CC2D2B: variants seen among roughly 807,000 people sequenced by gnomAD.
CC2D2B encodes the protein coiled-coil and C2 domain containing 2B, also known as protein CC2D2B.
In CC2D2B, 128 loss-of-function variants were observed where a neutral mutation model predicts 161.2. The ratio of observed to expected loss-of-function variants is 0.79; its 90% CI spans 0.69 to 0.92. The LOEUF (loss-of-function observed/expected upper bound fraction) is 0.92, where lower values mean the gene tolerates loss of function less well. Ranked by LOEUF, CC2D2B falls within the 40% of genes least tolerant of loss-of-function variation. The pLI, the probability that CC2D2B is intolerant of heterozygous loss-of-function variation, is 0.00. For synonymous variants in CC2D2B, 391 were observed against 449.8 expected, an observed-to-expected ratio of 0.87 and a Z score of 1.65; for missense variants, 1,173 against 1,375.1, an observed-to-expected ratio of 0.85 and a Z score of 2.32.
chr10:96,011,732 TACAC>T (rs933697863), intron 26 of CC2D2B, among the ~76,000 whole-genome samples: 6 of 138,710 alleles, frequency 4.3e-5, no homozygotes, highest in Admixed American at 2.2e-4. Flanking sequence ...ATTTACCTCT[TACAC>T]ACACGCACAC....
Position 95,965,975 on chromosome 10 carries a change from C to G in CC2D2B, c.1330C>G (p.Leu444Val). Reference sequence around the variant, plus strand: ...TGAGAAGAAAAATGAAGGAAAAGAACTTAAGAATGGGAAAAAACTGGAGGT... The same window carrying G: ...TGAGAAGAAAAATGAAGGAAAAGAAGTTAAGAATGGGAAAAAACTGGAGGT... ...ETEKKNEGKE[L>V]KNGKKLESLS... The change falls in exon 13 of 35, where the codon CTT becomes GTT. Residue 444 changes from leucine to valine, a missense_variant. Transcript: ENST00000646931. 1 of 1,209,234 alleles carries G rather than the reference C, an allele frequency of 8.3e-7. No homozygotes were observed. Among genetic ancestry groups the G allele is most frequent in the South Asian group, 4.2e-5 (1 of 23,866 alleles). 74.9% of individuals were successfully genotyped at this position (1,209,234 alleles called of 1,614,324 possible).
At chr10:95,911,125 A>G in intron 1 of CC2D2B, 176 bp from the exon 2 acceptor site, 1 of 178,928 alleles carries the variant, frequency 5.6e-6, no homozygotes. Flanking sequence ...ATTAACCGGG[A>G]TTTCTATTAA....
At chr10:96,014,321 C>T (rs549552091) in intron 29 of CC2D2B, among the ~76,000 whole-genome samples, 10 of 152,256 alleles carry the variant, frequency 6.6e-5, no homozygotes, top group South Asian at 2.1e-4. Flanking sequence ...AAAATACAGG[C>T]CCCATGCAAT....
chr10:95,919,721 TCAGTGAAGCAGGTTCCTTC>T (rs1169287102), intron 2 of CC2D2B: 1 of 152,088 alleles, frequency 6.6e-6, no homozygotes, highest in African/African-American at 2.4e-5. Context: ...GGCTTCCCCT[TCAGTGAAGCAGGTTCCTTC>T]CAGTGAAGCA....
intron 26 of CC2D2B, among the ~76,000 whole-genome samples, chr10:96,010,744 A>T (rs968428339): frequency 1.3e-5 from 2 of 152,166 alleles, no homozygotes; most frequent in Admixed American, 6.6e-5. Context: ...TTTTGAATTA[A>T]GTCCTTAAAG....
Position 96,019,292 on chromosome 10 carries a change from G to C in CC2D2B, c.3720G>C (p.Pro1240=). 1 of 1,611,916 alleles carries C rather than the reference G, an allele frequency of 6.2e-7. No homozygotes were observed. Among genetic ancestry groups the C allele is most frequent in the Non-Finnish European group, 8.5e-7 (1 of 1,179,412 alleles). Residue 1240 remains proline (P), a synonymous_variant, in exon 31 of 35, where the codon CCG becomes CCC. Transcript: ENST00000646931. ...STGQCYKQFD[P]FCPLKSVDCL... ...GCCAATGTTATAAGCAGTTTGACCC[G>C]TTTTGTCCCTTAAAAAGTGTAGATT...
intron 34 of CC2D2B, among the ~76,000 whole-genome samples, chr10:96,028,081 A>G (rs2079861752): frequency 6.6e-6 from 1 of 152,188 alleles, no homozygotes; most frequent in Non-Finnish European, 1.5e-5. Flanking sequence ...CTGAGCAAAA[A>G]TTTCTTGAGT....
At chr10:95,949,672 A>AATT (rs2076337375) in intron 9 of CC2D2B, among the ~76,000 whole-genome samples, 2 of 34,804 alleles carry the variant, frequency 5.7e-5, no homozygotes, top group African/African-American at 2.3e-4. Flanking sequence ...AAAAAAATTA[A>AATT]AAAAAAAAAT....
rs552653076 is a variant in CC2D2B at position 95,981,095 on chromosome 10, T to G, written c.1944-880T>G. On this transcript the variant is annotated intron_variant, in intron 17 of 34. Transcript: ENST00000646931. ...AGCCTATCTTTTACAGCTTTCCAAC[T>G]TTTAAGATTATCTCATGGCAGGGCA... Among the ~76,000 whole-genome samples, 6 of 152,212 alleles carry G rather than the reference T, an allele frequency of 3.9e-5. No individual in the cohort carries two copies. In the South Asian group the frequency reaches 1.2e-3, roughly 32 times the overall value.
chr10:95,966,313 T>TTATATAATAAA lies in CC2D2B; in HGVS notation c.1466+13_1466+14insTATAATAAATA. The TTATATAATAAA allele has an allele frequency of 1.1e-6, 1 of 933,758 alleles. No homozygotes were observed. The highest frequency in any genetic ancestry group is 1.4e-6 in the Non-Finnish European group (1 of 716,180). 57.8% of individuals were successfully genotyped at this position (933,758 alleles called of 1,614,324 possible). A position where few individuals can be genotyped will look rare whatever the true frequency, so the allele number is the denominator to read the frequency against. On this transcript the variant is annotated intron_variant, in intron 14 of 34. Transcript: ENST00000646931. ...ATCCAAGTGTTCCTTGTAAGCATGT[T>TTATATAATAAA]TAAATAATTATTTATTTATTATATA...
In CC2D2B at chr10:96,032,565, G is replaced by A; in HGVS notation, c.*557G>A. Reference sequence around the variant, plus strand: ...CTAAGGCTGGTACGTTTGATGCTGGGTCTGATACAATTTCAGATGGAAGCT... The same window carrying A: ...CTAAGGCTGGTACGTTTGATGCTGGATCTGATACAATTTCAGATGGAAGCT... On this transcript the variant is annotated 3_prime_UTR_variant, in exon 35 of 35. Coordinates refer to ENST00000646931, the MANE Select transcript of CC2D2B (RefSeq NM_001349008.3). 1 of 317,806 alleles carries A rather than the reference G, an allele frequency of 3.1e-6. No homozygotes were observed. Among genetic ancestry groups the A allele is most frequent in the Non-Finnish European group, 6.3e-6 (1 of 159,002 alleles). The allele number at this position is 317,806 out of a possible 1,614,324, so 19.7% of individuals were successfully genotyped here. A position where few individuals can be genotyped will look rare whatever the true frequency, so the allele number is the denominator to read the frequency against.
At chr10:95,984,256 G>T (rs559084032) in intron 19 of CC2D2B, among the ~76,000 whole-genome samples, 1 of 152,284 alleles carries the variant, frequency 6.6e-6, no homozygotes, top group East Asian at 1.9e-4. Flanking sequence ...ACTAGCTGGT[G>T]CCAGCCAGGT....
intron 32 of CC2D2B, among the ~76,000 whole-genome samples, chr10:96,024,022 T>C (rs939126772): frequency 6.6e-6 from 1 of 152,182 alleles, no homozygotes; most frequent in African/African-American, 2.4e-5. Context: ...TGCCTCTTCC[T>C]CAGCTCAGGA....
intron 6 of CC2D2B, among the ~76,000 whole-genome samples, chr10:95,935,168 G>A (rs954327386): frequency 6.6e-6 from 1 of 152,190 alleles, no homozygotes; most frequent in Non-Finnish European, 1.5e-5. Context: ...ACCACATCTG[G>A]CCACACAGTT....
At chr10:95,999,026 A>G (rs1046413836) in intron 24 of CC2D2B, among the ~76,000 whole-genome samples, 4 of 152,168 alleles carry the variant, frequency 2.6e-5, no homozygotes, top group African/African-American at 9.7e-5. Context: ...GGTTGCAGTG[A>G]ACAGAGATCG....
intron 17 of CC2D2B, among the ~76,000 whole-genome samples, chr10:95,975,394 G>C (rs1014188684): frequency 6.6e-6 from 1 of 152,140 alleles, no homozygotes; most frequent in Admixed American, 6.6e-5. Context: ...GAGATCGTTG[G>C]TATGGACGAA....
In CC2D2B at chr10:95,924,814, C is replaced by T. The variant is rs1357948918; in HGVS notation, c.210C>T (p.Leu70=). The change falls in exon 5 of 35, where the codon CTC becomes CTT. Residue 70 remains leucine (L), a synonymous_variant. Coordinates refer to ENST00000646931, the MANE Select transcript of CC2D2B (RefSeq NM_001349008.3). ...GTGAAAAATCTTCAACTGAGCAGCTCATTGATAGCGAAATACATCAAAGGT... is the reference window on the plus strand; with the variant it reads ...GTGAAAAATCTTCAACTGAGCAGCTTATTGATAGCGAAATACATCAAAGGT... ...NKGEKSSTEQ[L]IDSEIHQRSK... 1.3e-6 allele frequency: 2 copies of T among 1,547,500 alleles called. No individual in the cohort carries two copies. The highest frequency in any genetic ancestry group is 2.4e-5 in the South Asian group (2 of 83,890).
intron 3 of CC2D2B, among the ~76,000 whole-genome samples, chr10:95,922,529 G>A (rs1436023864): frequency 2.0e-5 from 3 of 152,176 alleles, no homozygotes; most frequent in Non-Finnish European, 4.4e-5. Flanking sequence ...ATTTTACCAA[G>A]GAATACTGTG....
At chr10:95,979,787 C>T (rs897346391) in intron 17 of CC2D2B, among the ~76,000 whole-genome samples, 11 of 152,212 alleles carry the variant, frequency 7.2e-5, no homozygotes, top group African/African-American at 2.7e-4. Flanking sequence ...TTAATATATT[C>T]ACAGGCTTGT....
Sources: gnomAD v4.1 joint callset for allele counts (sites outside exome capture counted in the v4.1 genomes callset) on GRCh38, gnomAD v4.1.1 for gene constraint, MANE v1.5 for transcripts, NCBI Gene and HGNC (gene_info 2026-07-23, HGNC 2026-07-21) for gene names.